The following OIT3 variants were observed in gnomAD, a reference collection of about 807,000 sequenced individuals.
OIT3 encodes oncoprotein induced transcript 3.
A neutral mutation model predicts 52.2 loss-of-function variants in OIT3; 41 were observed. That is an observed-to-expected ratio of 0.79 (90% CI 0.61 to 1.02). OIT3 has a LOEUF of 1.02. OIT3 is among the 50% of genes least tolerant of loss of function. OIT3 has a pLI of 0.00. For missense variants in OIT3, 634 were observed against 715.5 expected (o/e 0.89, Z 1.30); for synonymous variants, 244 against 276.9 (o/e 0.88, Z 1.18).
At chr10:72,901,040 C>A (rs1227708076) in intron 3 of OIT3, among the ~76,000 whole-genome samples, 1 of 152,020 alleles carries the variant, frequency 6.6e-6, no homozygotes, top group African/African-American at 2.4e-5. Flanking sequence ...TGCTCTCTAG[C>A]TTGGGTGAAA....
At chr10:72,930,067 A>G (rs1458268516) in intron 7 of OIT3, among the ~76,000 whole-genome samples, 1 of 152,244 alleles carries the variant, frequency 6.6e-6, no homozygotes, top group Non-Finnish European at 1.5e-5. Flanking sequence ...CATGCACTGC[A>G]GTTCCCTAAC....
intron 3 of OIT3, among the ~76,000 whole-genome samples, chr10:72,905,466 C>CAA (rs200886733): frequency 6.7e-6 from 1 of 150,130 alleles, no homozygotes; most frequent in African/African-American, 2.4e-5. Context: ...GGCTCCGTCT[C>CAA]AAAAAAAAAG....
intron 3 of OIT3, among the ~76,000 whole-genome samples, chr10:72,903,714 T>C (rs1322099051): frequency 2.0e-5 from 3 of 152,230 alleles, no homozygotes; most frequent in Non-Finnish European, 2.9e-5. Flanking sequence ...TTGTTTTGTG[T>C]GTTCTTAGAA....
At chr10:72,899,113 T>C (rs1845904033) in intron 2 of OIT3, 75 bp downstream of exon 2, 2 of 1,376,120 alleles carry the variant, frequency 1.5e-6, no homozygotes, top group Non-Finnish European at 2.0e-6. Context: ...AATTATAGGA[T>C]ATGCAGTTAC....
At chr10:72,930,186 A>C (rs569036532) in intron 7 of OIT3, among the ~76,000 whole-genome samples, 2 of 152,348 alleles carry the variant, frequency 1.3e-5, no homozygotes, top group African/African-American at 4.8e-5. Flanking sequence ...ATAGAGGCAG[A>C]ATTCCTGCAA....
At position 72,898,893 on chromosome 10, in the gene OIT3, C is replaced by T. The variant is rs754816271; in HGVS notation, c.291C>T (p.Asp97=). The T allele has an allele frequency of 1.3e-5, 21 of 1,614,054 alleles. No individual in the cohort carries two copies. Among genetic ancestry groups the T allele is most frequent in the Admixed American group, 5.0e-5 (3 of 60,008 alleles). ...WLNGSHPLEG[D]GIVQRQACAS... ...ATGGCAGCCACCCCCTAGAAGGCGA[C>T]GGCATTGTGCAACGCCAGGCTTGTG... is the stretch of plus-strand genomic sequence containing the variant. Residue 97 remains aspartate, a synonymous_variant, in exon 2 of 9, where the codon GAC becomes GAT. Transcript: ENST00000334011.
At chr10:72,925,244 A>C (rs1220836106) in intron 7 of OIT3, among the ~76,000 whole-genome samples, 2 of 152,258 alleles carry the variant, frequency 1.3e-5, no homozygotes, top group African/African-American at 2.4e-5. Flanking sequence ...TGGTCATTCA[A>C]AATGACATAT....
intron 1 of OIT3, among the ~76,000 whole-genome samples, chr10:72,895,507 A>C (rs1202957876): frequency 6.6e-6 from 1 of 152,192 alleles, no homozygotes; most frequent in Non-Finnish European, 1.5e-5. Flanking sequence ...GTGAGAGAAG[A>C]GGAAAAGAAG....
chr10:72,918,594 C>T, intron 6 of OIT3: 1 of 783,852 alleles, frequency 1.3e-6, no homozygotes, highest in Non-Finnish European at 2.2e-6. Context: ...CACCACTGCT[C>T]AAGAGAACAG....
chr10:72,918,435 T>C (rs1453551993), intron 6 of OIT3: 7 of 822,794 alleles, frequency 8.5e-6, no homozygotes, highest in Admixed American at 6.8e-5. Flanking sequence ...TTCATCATTA[T>C]CCACCTTAAA....
chr10:72,894,769 T>A (rs1564587669), intron 1 of OIT3, among the ~76,000 whole-genome samples: 1 of 152,068 alleles, frequency 6.6e-6, no homozygotes, highest in East Asian at 1.9e-4. Context: ...ATGCCTGTAA[T>A]TCCAGCTACT....
chr10:72,919,884 A>G (rs1411708098), intron 6 of OIT3, among the ~76,000 whole-genome samples: 4 of 152,202 alleles, frequency 2.6e-5, no homozygotes, highest in African/African-American at 7.2e-5. Flanking sequence ...ATCAATGTTC[A>G]TCAAGGATAT....
At chr10:72,907,401 A>G (rs1402369385) in intron 4 of OIT3, among the ~76,000 whole-genome samples, 1 of 152,218 alleles carries the variant, frequency 6.6e-6, no homozygotes, top group Non-Finnish European at 1.5e-5. Context: ...GCATTTTTAA[A>G]CAAGTTCTAG....
intron 4 of OIT3, among the ~76,000 whole-genome samples, chr10:72,907,589 C>G (rs889438808): frequency 8.5e-5 from 13 of 152,166 alleles, no homozygotes; most frequent in Non-Finnish European, 1.9e-4. Context: ...TTCAGAGGAG[C>G]TAAGATGGGG....
At position 72,932,494 on chromosome 10, in the gene OIT3, C is replaced by T. The variant is rs113588061; in HGVS notation, c.1608C>T (p.Gly536=). ...GTCTACAGGGCCAGACGCTAACAGG[C>T]GGCCCGATCCGCATCGACTGGGAGG... ...SAGLQGQTLT[G]GPIRIDWED Residue 536 remains glycine (G), a synonymous_variant, in exon 9 of 9, where the codon GGC becomes GGT. Coordinates refer to ENST00000334011, the MANE Select transcript of OIT3 (RefSeq NM_152635.3). 6 of 1,611,012 alleles carry T rather than the reference C, an allele frequency of 3.7e-6. No individual in the cohort carries two copies. Among genetic ancestry groups the T allele is most frequent in the East Asian group, 2.2e-5 (1 of 44,826 alleles).
chr10:72,903,234 T>C (rs1845949093), intron 3 of OIT3, among the ~76,000 whole-genome samples: 1 of 151,306 alleles, frequency 6.6e-6, no homozygotes, highest in African/African-American at 2.4e-5. Flanking sequence ...TTTTCTTTTC[T>C]TTTTTTTTGA....
chr10:72,924,742 C>G, intron 7 of OIT3, 98 bp downstream of exon 7: 1 of 974,440 alleles, frequency 1.0e-6, no homozygotes. Context: ...CATGGTACCA[C>G]TGTCAGCAAT....
chr10:72,908,510 G>T (rs554308229), intron 4 of OIT3, among the ~76,000 whole-genome samples: 85 of 152,146 alleles, frequency 5.6e-4, no homozygotes, highest in African/African-American at 1.9e-3. Context: ...AACAAACTTT[G>T]CATTATTAAC....
chr10:72,900,921 A>G (rs1453658228), intron 3 of OIT3, among the ~76,000 whole-genome samples: 1 of 152,214 alleles, frequency 6.6e-6, no homozygotes, highest in Middle Eastern at 3.4e-3. Context: ...TATGAAAATT[A>G]TGTGGGTATG....
Sources: gnomAD v4.1 joint callset for allele counts (sites outside exome capture counted in the v4.1 genomes callset) on GRCh38, gnomAD v4.1.1 for gene constraint, MANE v1.5 for transcripts, NCBI Gene and HGNC (gene_info 2026-07-23, HGNC 2026-07-21) for gene names.